THEMIS: variants seen among roughly 807,000 people sequenced by gnomAD.
The protein encoded by THEMIS is thymocyte selection associated.
THEMIS carries 37 observed loss-of-function variants against 52.6 expected under a neutral mutation model. The observed-to-expected ratio is 0.70, with a 90% CI of 0.54 to 0.93. THEMIS has a LOEUF of 0.93. THEMIS is among the 40% of genes least tolerant of loss of function. The pLI is 0.00. For missense variants in THEMIS, 808 were observed against 763.1 expected (o/e 1.06, Z -0.69); for synonymous variants, 292 against 272.7 (o/e 1.07, Z -0.70).
At chr6:127,916,458 C>G (rs1181062962) in intron 1 of THEMIS, among the ~76,000 whole-genome samples, 1 of 152,130 alleles carries the variant, frequency 6.6e-6, no homozygotes, top group East Asian at 1.9e-4. Flanking sequence ...ATTAATGGTG[C>G]CTTCCTATCC....
rs3057968 is a variant in THEMIS, at chr6:127,736,851, C to CAAAA, written c.1759-17032_1759-17029dup. On this transcript the variant is annotated intron_variant, in intron 4 of 5. Transcript: ENST00000368248. ...CATAAGTAAAGGAAAACCAAATGAT[C>CAAAA]AAAAAAAAAAAAAAAAGAAAAAATA... is the stretch of plus-strand genomic sequence containing the variant. 4.9e-4 allele frequency among the ~76,000 whole-genome samples: 51 copies of CAAAA among 104,832 alleles called. 1 individual carries two copies. The highest frequency in any genetic ancestry group is 7.7e-4 in the Non-Finnish European group (42 of 54,794). 68.8% of individuals were successfully genotyped at this position (104,832 alleles called of 152,430 possible).
chr6:127,761,893 A>G (rs1776034428), intron 4 of THEMIS, among the ~76,000 whole-genome samples: 1 of 152,136 alleles, frequency 6.6e-6, no homozygotes, highest in East Asian at 1.9e-4. Context: ...CAGCAATCCT[A>G]CTTCTGAGTT....
chr6:127,900,711 A>T, intron 1 of THEMIS, 131 bp downstream of exon 1: 1 of 773,636 alleles, frequency 1.3e-6, no homozygotes, highest in Non-Finnish European at 2.2e-6. Flanking sequence ...TCAGTTCATT[A>T]CTTTCTTTTG....
intron 4 of THEMIS, among the ~76,000 whole-genome samples, chr6:127,774,020 T>C (rs1430492456): frequency 6.6e-6 from 1 of 152,202 alleles, no homozygotes; most frequent in Non-Finnish European, 1.5e-5. Flanking sequence ...ATATCCAAGA[T>C]GGCTCACTAC....
intron 1 of THEMIS, among the ~76,000 whole-genome samples, chr6:127,909,264 G>A (rs929924415): frequency 3.9e-5 from 6 of 151,916 alleles, no homozygotes; most frequent in African/African-American, 7.3e-5. Flanking sequence ...GAAGTTACTC[G>A]GTGATATGGT....
At chr6:127,785,436 G>A (rs552225363) in intron 4 of THEMIS, among the ~76,000 whole-genome samples, 1 of 150,978 alleles carries the variant, frequency 6.6e-6, no homozygotes, top group African/African-American at 2.4e-5. Context: ...TGCACGTTGT[G>A]CACATGTACC....
chr6:127,784,983 CTATCTATCTATCTATCTATCTAT>C (rs1416794685), intron 4 of THEMIS, among the ~76,000 whole-genome samples: 48 of 116,266 alleles, frequency 4.1e-4, no homozygotes, highest in African/African-American at 1.4e-3. Flanking sequence ...ATCTATCTAT[CTATCTATCTATCTATCTATCTAT>C]TATCTATCTA....
At chr6:127,789,518 C>G (rs936030864) in intron 4 of THEMIS, among the ~76,000 whole-genome samples, 2 of 152,166 alleles carry the variant, frequency 1.3e-5, no homozygotes, top group African/African-American at 4.8e-5. Context: ...CTTCCTAACT[C>G]AGTTTCAGAG....
intron 4 of THEMIS, among the ~76,000 whole-genome samples, chr6:127,747,212 T>C: frequency 7.2e-6 from 1 of 138,070 alleles, no homozygotes; most frequent in East Asian, 2.2e-4. Context: ...CATATCTGCA[T>C]ATTATATTAT....
chr6:127,887,015 C>G (rs78808548), intron 1 of THEMIS, among the ~76,000 whole-genome samples: 9 of 151,714 alleles, frequency 5.9e-5, no homozygotes, highest in African/African-American at 9.7e-5. Flanking sequence ...TACCTCCCCC[C>G]CCAAAAAATA....
intron 4 of THEMIS, among the ~76,000 whole-genome samples, chr6:127,734,191 T>C (rs183378499): frequency 6.6e-6 from 1 of 152,302 alleles, no homozygotes; most frequent in East Asian, 1.9e-4. Flanking sequence ...TAGATCCTGA[T>C]TGAGACTGTA....
chr6:127,701,157 G>A, the THEMIS span, among the ~76,000 whole-genome samples: 1 of 151,926 alleles, frequency 6.6e-6, no homozygotes, highest in African/African-American at 2.4e-5. Context: ...TGCCTCCCCA[G>A]CCAGTCATAA....
At chr6:127,811,440 T>G (rs1254703867) in intron 4 of THEMIS, among the ~76,000 whole-genome samples, 1 of 152,200 alleles carries the variant, frequency 6.6e-6, no homozygotes, top group East Asian at 1.9e-4. Context: ...CTCTGACCAT[T>G]CTTACATAGT....
chr6:127,786,087 A>T (rs1776939209), intron 4 of THEMIS, among the ~76,000 whole-genome samples: 3 of 152,156 alleles, frequency 2.0e-5, no homozygotes, highest in Admixed American at 2.0e-4. Flanking sequence ...GGTATTCAAT[A>T]AGATATTTTG....
chr6:127,916,717 C>T (rs1218279529), intron 1 of THEMIS, among the ~76,000 whole-genome samples: 1 of 152,190 alleles, frequency 6.6e-6, no homozygotes, highest in African/African-American at 2.4e-5. Flanking sequence ...TCTGGCAGAG[C>T]CAGTGAACTC....
At position 127,709,068 on chromosome 6, in the gene THEMIS, G is replaced by A. The variant is rs1407645023; in HGVS notation, c.*917C>T. 2.0e-5 allele frequency: 3 copies of A among 151,902 alleles called. No homozygotes were observed. The highest frequency in any genetic ancestry group is 7.3e-5 in the African/African-American group (3 of 41,372). The allele number at this position is 151,902 out of a possible 1,614,324, so 9.4% of individuals were successfully genotyped here. On this transcript the variant is annotated 3_prime_UTR_variant, in exon 6 of 6. Coordinates refer to ENST00000368248, the MANE Select transcript of THEMIS (RefSeq NM_001010923.3). ...ACATAATAAGATAAATTATTAAAAT[G>A]TGAGAGCCCTTAAAGTAATTTTTAT...
intron 4 of THEMIS, among the ~76,000 whole-genome samples, chr6:127,784,379 T>G (rs980505082): frequency 3.3e-5 from 5 of 151,974 alleles, no homozygotes; most frequent in African/African-American, 1.2e-4. Flanking sequence ...GAACTTAAAG[T>G]ATATGTAAAA....
intron 4 of THEMIS, among the ~76,000 whole-genome samples, chr6:127,736,069 T>G (rs569738290): frequency 6.6e-6 from 1 of 152,328 alleles, no homozygotes; most frequent in South Asian, 2.1e-4. Flanking sequence ...GATTTTGTGC[T>G]TGGTGAATTG....
intron 4 of THEMIS, among the ~76,000 whole-genome samples, chr6:127,791,689 C>T (rs1777162842): frequency 6.6e-6 from 1 of 152,154 alleles, no homozygotes; most frequent in Non-Finnish European, 1.5e-5. Context: ...TGCCCTGGCT[C>T]TTTGTGCCAA....
Sources: gnomAD v4.1 joint callset for allele counts (sites outside exome capture counted in the v4.1 genomes callset) on GRCh38, gnomAD v4.1.1 for gene constraint, MANE v1.5 for transcripts, NCBI Gene and HGNC (gene_info 2026-07-23, HGNC 2026-07-21) for gene names.